The following ASTN1 variants were observed in gnomAD, a reference collection of about 807,000 sequenced individuals.
ASTN1 encodes astrotactin-1.
A neutral mutation model predicts 140.7 loss-of-function variants in ASTN1; 41 were observed. The ratio of observed to expected loss-of-function variants is 0.29; its 90% CI spans 0.23 to 0.38. The LOEUF is 0.38. Among genes scored for constraint, ASTN1 ranks in the 10% least tolerant of loss-of-function variants. The probability of loss-of-function intolerance (pLI) is 1.00; values close to 1 mark genes in which losing one functional copy is unlikely to be tolerated. For missense variants in ASTN1, 1,479 were observed against 1,678.8 expected, an observed-to-expected ratio of 0.88 and a Z score of 2.08; for synonymous variants, 640 against 652.2, an observed-to-expected ratio of 0.98 and a Z score of 0.29.
chr1:177,145,219 T>C (rs563443583), intron 1 of ASTN1, among the ~76,000 whole-genome samples: 1 of 152,288 alleles, frequency 6.6e-6, no homozygotes, highest in East Asian at 1.9e-4. Context: ...TTAAAGTAGC[T>C]CATACTTTTC....
intron 9 of ASTN1, among the ~76,000 whole-genome samples, chr1:176,962,464 T>C (rs192718994): frequency 6.6e-6 from 1 of 152,358 alleles, no homozygotes; most frequent in African/African-American, 2.4e-5. Flanking sequence ...CAAAATTGTA[T>C]GTTGGATGTT....
intron 2 of ASTN1, among the ~76,000 whole-genome samples, chr1:177,044,514 C>T (rs1028219138): frequency 6.6e-6 from 1 of 152,208 alleles, no homozygotes; most frequent in African/African-American, 2.4e-5. Context: ...GCCTGGCGCT[C>T]ACCAGCCAAA....
intron 1 of ASTN1, among the ~76,000 whole-genome samples, chr1:177,090,551 A>G (rs1416498671): frequency 6.6e-6 from 1 of 152,172 alleles, no homozygotes; most frequent in African/African-American, 2.4e-5. Flanking sequence ...GCTTAAAACT[A>G]GAAAAGATTG....
intron 16 of ASTN1, among the ~76,000 whole-genome samples, chr1:176,908,781 A>G (rs1231522396): frequency 6.6e-6 from 1 of 152,200 alleles, no homozygotes; most frequent in Non-Finnish European, 1.5e-5. Context: ...CTTATCACCT[A>G]GTACAGTCTT....
At chr1:177,119,116 C>T (rs1290052909) in intron 1 of ASTN1, among the ~76,000 whole-genome samples, 2 of 152,126 alleles carry the variant, frequency 1.3e-5, no homozygotes, top group Non-Finnish European at 1.5e-5. Context: ...AAACACCCAG[C>T]ACCTAAATCC....
chr1:177,036,342 C>T (rs975498894), intron 2 of ASTN1, among the ~76,000 whole-genome samples: 7 of 151,850 alleles, frequency 4.6e-5, no homozygotes, highest in Non-Finnish European at 7.4e-5. Flanking sequence ...CCACCGTGCC[C>T]GGCCGACCTC....
intron 8 of ASTN1, among the ~76,000 whole-genome samples, chr1:176,994,501 A>C (rs1250991732): frequency 6.6e-6 from 1 of 151,950 alleles, no homozygotes; most frequent in Non-Finnish European, 1.5e-5. Flanking sequence ...GTGCCACCAC[A>C]CTGGCTAATT....
intron 16 of ASTN1, among the ~76,000 whole-genome samples, chr1:176,919,511 T>C (rs1167192287): frequency 6.6e-6 from 1 of 152,174 alleles, no homozygotes; most frequent in Non-Finnish European, 1.5e-5. Flanking sequence ...GGTTGGGAGC[T>C]GGAATTTCCT....
intron 2 of ASTN1, among the ~76,000 whole-genome samples, chr1:177,040,992 A>G (rs1230799209): frequency 1.3e-5 from 2 of 152,176 alleles, no homozygotes; most frequent in African/African-American, 4.8e-5. Flanking sequence ...AAAGAAAAGC[A>G]AAGGAGTGCA....
intron 16 of ASTN1, among the ~76,000 whole-genome samples, chr1:176,905,294 TCA>T (rs1323056615): frequency 6.6e-6 from 1 of 152,222 alleles, no homozygotes; most frequent in Non-Finnish European, 1.5e-5. Context: ...CGGGTGTCTC[TCA>T]CAGCTTAGGC....
At chr1:176,947,907 T>G (rs1270563261) in intron 12 of ASTN1, among the ~76,000 whole-genome samples, 1 of 152,186 alleles carries the variant, frequency 6.6e-6, no homozygotes, top group East Asian at 1.9e-4. Context: ...ATAAATACAT[T>G]TATATAACTT....
At chr1:176,912,204 G>A (rs185336037) in intron 16 of ASTN1, among the ~76,000 whole-genome samples, 131 of 152,324 alleles carry the variant, frequency 8.6e-4, no homozygotes, top group African/African-American at 3.0e-3. Flanking sequence ...TATGGTGGAA[G>A]TCAGCAAACT....
At chr1:176,885,866 T>A (rs1669012705) in intron 18 of ASTN1, among the ~76,000 whole-genome samples, 1 of 152,132 alleles carries the variant, frequency 6.6e-6, no homozygotes, top group South Asian at 2.1e-4. Flanking sequence ...TATAGTAGAC[T>A]GTGGACACAA....
intron 8 of ASTN1, among the ~76,000 whole-genome samples, chr1:176,977,859 C>CAGAAG (rs1423298730): frequency 5.3e-5 from 8 of 152,188 alleles, no homozygotes; most frequent in Non-Finnish European, 1.2e-4. Context: ...CCCACTCCTG[C>CAGAAG]AGAAGAACTA....
intron 2 of ASTN1, among the ~76,000 whole-genome samples, chr1:177,055,089 C>G (rs2102021031): frequency 6.6e-6 from 1 of 152,278 alleles, no homozygotes; most frequent in East Asian, 1.9e-4. Context: ...AACTAAAAAG[C>G]CTGACCAGTG....
At chr1:176,921,149 T>C (rs1051102046) in intron 16 of ASTN1, among the ~76,000 whole-genome samples, 27 of 152,198 alleles carry the variant, frequency 1.8e-4, no homozygotes, top group African/African-American at 6.5e-4. Context: ...GCCCTCATTT[T>C]CAAAAAATGA....
chr1:177,096,586 G>A (rs1680035316), intron 1 of ASTN1, among the ~76,000 whole-genome samples: 2 of 152,102 alleles, frequency 1.3e-5, no homozygotes, highest in Admixed American at 1.3e-4. Context: ...GGATCCAGTG[G>A]GAGGCAATTT....
chr1:177,150,937 G>T (rs1163250639), intron 1 of ASTN1, among the ~76,000 whole-genome samples: 2 of 152,062 alleles, frequency 1.3e-5, no homozygotes, highest in East Asian at 3.9e-4. Flanking sequence ...GGTCTAAAAG[G>T]TCTAAAATAT....
chr1:177,147,951 A>T (rs1035085911), intron 1 of ASTN1, among the ~76,000 whole-genome samples: 4 of 152,174 alleles, frequency 2.6e-5, no homozygotes, highest in African/African-American at 9.7e-5. Flanking sequence ...TGTTGCAGCT[A>T]TCTTACTACC....
Sources: gnomAD v4.1 joint callset for allele counts (sites outside exome capture counted in the v4.1 genomes callset) on GRCh38, gnomAD v4.1.1 for gene constraint, MANE v1.5 for transcripts, NCBI Gene and HGNC (gene_info 2026-07-23, HGNC 2026-07-21) for gene names.